Variants in MYCBP2 observed in about 807,000 individuals in gnomAD.
The protein encoded by MYCBP2 is MYC binding protein 2.
Under a neutral mutation model 525.3 loss-of-function variants are expected in MYCBP2, and 120 were observed. That is an observed-to-expected ratio of 0.23 (90% confidence interval 0.20 to 0.27). The LOEUF (loss-of-function observed/expected upper bound fraction) is 0.27. Ranked by LOEUF, MYCBP2 falls within the 10% of genes least tolerant of loss-of-function variation. The pLI, the probability that MYCBP2 is intolerant of heterozygous loss-of-function variation, is 1.00. For synonymous variants in MYCBP2, 1,894 were observed against 1,955.8 expected, an observed-to-expected ratio of 0.97 and a Z score of 0.83; for missense variants, 4,149 against 5,657.1, an observed-to-expected ratio of 0.73 and a Z score of 8.55.
At chr13:77,320,051 A>G (rs2081404811) in intron 1 of MYCBP2, among the ~76,000 whole-genome samples, 1 of 152,214 alleles carries the variant, frequency 6.6e-6, no homozygotes, top group Non-Finnish European at 1.5e-5. Context: ...GCCCTCAGCC[A>G]GACCCATGGG....
At chr13:77,169,328 G>A (rs553517391) in intron 39 of MYCBP2, among the ~76,000 whole-genome samples, 154 of 151,226 alleles carry the variant, frequency 1.0e-3, no homozygotes, top group African/African-American at 3.4e-3. Context: ...CCCGGAAGGC[G>A]GAGCTTGCAG....
chr13:77,125,273 A>G lies in MYCBP2; in HGVS notation c.8017+63T>C, dbSNP rs1033226672. 3 of 1,574,314 alleles carry G rather than the reference A, an allele frequency of 1.9e-6. No homozygotes were observed. The Admixed American group carries it at 5.3e-5, about 28-fold the overall frequency. The stretch of plus-strand genomic sequence containing the variant: ...CTCTTTAAAACAAAAGCAATACAAT[A>G]GGCATTAAACTTCTGTATTTGAAAG... On this transcript the variant is annotated intron_variant, in intron 54 of 82. Coordinates refer to ENST00000544440, the MANE Select transcript of MYCBP2 (RefSeq NM_015057.5).
At position 77,095,388 on chromosome 13, in the gene MYCBP2, AT is replaced by A. The variant is rs1170542077; in HGVS notation, c.10168del (p.Met3390CysfsTer9). On this transcript the variant is annotated frameshift_variant, in exon 58 of 83. Transcript: ENST00000544440. LOFTEE classifies it high-confidence loss of function. ...TAATGTCTGCAGGTAGAGACAAGGCATTTTCACAGGAAGATCCTCAGAAATG... is the reference window on the plus strand; with the variant it reads ...TAATGTCTGCAGGTAGAGACAAGGCATTTCACAGGAAGATCCTCAGAAATG... Reference protein sequence around the residue: ...EGISEDLPVKMPCLYLQTLAR... With the variant: ...EGISEDLPVKXPCLYLQTLAR... 1 of 1,613,442 alleles carries A rather than the reference AT, an allele frequency of 6.2e-7. No individual in the cohort carries two copies. Among genetic ancestry groups the A allele is most frequent in the Non-Finnish European group, 8.5e-7 (1 of 1,179,660 alleles).
chr13:77,320,565 T>G (rs1320819571), intron 1 of MYCBP2, among the ~76,000 whole-genome samples: 1 of 151,826 alleles, frequency 6.6e-6, no homozygotes, highest in East Asian at 1.9e-4. Flanking sequence ...GCTAAAAGCA[T>G]TAGGTAAAAG....
intron 55 of MYCBP2, among the ~76,000 whole-genome samples, chr13:77,111,306 A>G (rs963571562): frequency 6.6e-6 from 1 of 151,966 alleles, no homozygotes; most frequent in Non-Finnish European, 1.5e-5. Flanking sequence ...ATCCAACCGA[A>G]CTCATTTTTC....
In MYCBP2 at chr13:77,093,253, C is replaced by T; in HGVS notation, c.10279G>A (p.Val3427Ile). Reference sequence around the variant, plus strand: ...GTTACTGATATATACGGGGCAGGTACAGATGTTGAACGTAGATATCTCATT... The same window carrying T: ...GTTACTGATATATACGGGGCAGGTATAGATGTTGAACGTAGATATCTCATT... ...DEMRYLRSTS[V>I]PAPYISVTPD... Residue 3427 changes from valine to isoleucine, a missense_variant, in exon 59 of 83, where the codon GTA becomes ATA. Transcript: ENST00000544440. The T allele has an allele frequency of 1.2e-6, 2 of 1,613,376 alleles. No homozygotes were observed. The highest frequency in any genetic ancestry group is 1.7e-6 in the Non-Finnish European group (2 of 1,179,544).
chr13:77,222,298 T>C (rs534397552), intron 20 of MYCBP2, among the ~76,000 whole-genome samples: 3 of 152,338 alleles, frequency 2.0e-5, no homozygotes, highest in East Asian at 1.9e-4. Flanking sequence ...GCCAAACACA[T>C]CTTTTGCTCT....
At chr13:77,142,268 T>A (rs942916872) in intron 49 of MYCBP2, among the ~76,000 whole-genome samples, 18 of 152,350 alleles carry the variant, frequency 1.2e-4, no homozygotes, top group Middle Eastern at 3.4e-3. Flanking sequence ...ACAATCCTCA[T>A]TAAAGTGTTA....
chr13:77,273,853 T>C (rs1288375315), intron 4 of MYCBP2, among the ~76,000 whole-genome samples, 185 bp from the exon 5 acceptor site: 1 of 152,214 alleles, frequency 6.6e-6, no homozygotes, highest in East Asian at 1.9e-4. Flanking sequence ...AACAAGGGTC[T>C]TAAAGAACAT....
intron 17 of MYCBP2, among the ~76,000 whole-genome samples, chr13:77,236,916 G>T (rs554120551): frequency 6.6e-6 from 1 of 151,972 alleles, no homozygotes; most frequent in African/African-American, 2.4e-5. Context: ...ATGAATACAG[G>T]TGATGCTAGA....
At chr13:77,202,474 A>C (rs1287933362) in intron 26 of MYCBP2, among the ~76,000 whole-genome samples, 1 of 152,162 alleles carries the variant, frequency 6.6e-6, no homozygotes, top group Non-Finnish European at 1.5e-5. Flanking sequence ...TACAAGGAGG[A>C]ACTGGTACCA....
At chr13:77,139,410 G>T (rs1039517109) in intron 51 of MYCBP2, 74 bp from the exon 52 acceptor site, 26 of 1,489,162 alleles carry the variant, frequency 1.7e-5, no homozygotes, top group Middle Eastern at 1.8e-4. Flanking sequence ...CTGAAAGTCT[G>T]CAAAGCAGAA....
At chr13:77,136,926 C>T (rs1253050496) in intron 52 of MYCBP2, among the ~76,000 whole-genome samples, 1 of 152,158 alleles carries the variant, frequency 6.6e-6, no homozygotes, top group African/African-American at 2.4e-5. Context: ...TCTTTAATTT[C>T]TCCCTTTTTC....
At chr13:77,266,283 T>C (rs1055037634) in intron 8 of MYCBP2, among the ~76,000 whole-genome samples, 1 of 152,154 alleles carries the variant, frequency 6.6e-6, no homozygotes, top group African/African-American at 2.4e-5. Flanking sequence ...GACAGCACGA[T>C]AGGAACGCTC....
At chr13:77,180,837 T>C (rs1177314092) in intron 33 of MYCBP2, among the ~76,000 whole-genome samples, 1 of 152,120 alleles carries the variant, frequency 6.6e-6, no homozygotes, top group East Asian at 1.9e-4. Flanking sequence ...GGAAGATCGT[T>C]TGAGTCCAGG....
chr13:77,191,337 A>G (rs559467180), intron 28 of MYCBP2, among the ~76,000 whole-genome samples: 3 of 152,354 alleles, frequency 2.0e-5, no homozygotes, highest in Admixed American at 2.0e-4. Flanking sequence ...CAAATTTAAT[A>G]TCACATATCT....
chr13:77,082,590 T>C (rs1460817649), intron 63 of MYCBP2, among the ~76,000 whole-genome samples: 5 of 152,186 alleles, frequency 3.3e-5, no homozygotes, highest in Non-Finnish European at 7.4e-5. Context: ...CAAATTGAAA[T>C]TGGAATCTGT....
At chr13:77,218,334 A>T (rs1031606798) in intron 20 of MYCBP2, among the ~76,000 whole-genome samples, 4 of 152,196 alleles carry the variant, frequency 2.6e-5, no homozygotes, top group Non-Finnish European at 5.9e-5. Flanking sequence ...CCTTAACAGA[A>T]ATTCAATCCA....
chr13:77,061,817 T>C (rs549129732), intron 74 of MYCBP2, 27 bp from the exon 75 acceptor site: 1 of 1,541,922 alleles, frequency 6.5e-7, no homozygotes, highest in Non-Finnish European at 8.8e-7. Flanking sequence ...CCACGTTACT[T>C]AGATTAACAA....
Sources: gnomAD v4.1 joint callset for allele counts (sites outside exome capture counted in the v4.1 genomes callset) on GRCh38, gnomAD v4.1.1 for gene constraint, MANE v1.5 for transcripts, NCBI Gene and HGNC (gene_info 2026-07-23, HGNC 2026-07-21) for gene names.